The following SNX24 variants were observed in gnomAD, a reference collection of about 807,000 sequenced individuals.
The protein encoded by SNX24 is sorting nexin 24, also known as sorting nexin-24.
SNX24 carries 22 observed loss-of-function variants against 28.7 expected under a neutral mutation model. That is an observed-to-expected ratio of 0.77 (90% CI 0.55 to 1.10). SNX24 has a LOEUF of 1.10. Ranked by LOEUF, SNX24 falls within the 50% of genes least tolerant of loss-of-function variation. The pLI, the probability that SNX24 is intolerant of heterozygous loss-of-function variation, is 0.00. For synonymous variants in SNX24, 69 were observed against 71.5 expected (o/e 0.96, Z 0.18); for missense variants, 221 against 201.1 (o/e 1.10, Z -0.60).
intron 1 of SNX24, among the ~76,000 whole-genome samples, chr5:122,899,961 A>T (rs1049138775): frequency 3.9e-5 from 6 of 152,144 alleles, no homozygotes; most frequent in Non-Finnish European, 7.4e-5. Context: ...TTCCAGCTTT[A>T]CTGAATAAAT....
chr5:122,952,442 A>C (rs371923425), intron 3 of SNX24, among the ~76,000 whole-genome samples: 1 of 152,164 alleles, frequency 6.6e-6, no homozygotes, highest in African/African-American at 2.4e-5. Flanking sequence ...CCCCCTTCGC[A>C]CTCACCCCAG....
intron 2 of SNX24, among the ~76,000 whole-genome samples, chr5:122,939,235 CTGT>C (rs1253468326): frequency 3.9e-5 from 6 of 152,168 alleles, no homozygotes; most frequent in African/African-American, 1.4e-4. Context: ...GTAGTTAAAT[CTGT>C]TGTTACTTAA....
intron 1 of SNX24, among the ~76,000 whole-genome samples, chr5:122,869,096 G>T (rs1755862076): frequency 6.6e-6 from 1 of 152,170 alleles, no homozygotes; most frequent in African/African-American, 2.4e-5. Flanking sequence ...ATATAGTGCA[G>T]GATAAAAGTT....
At chr5:122,864,114 C>T (rs1755610408) in intron 1 of SNX24, among the ~76,000 whole-genome samples, 1 of 152,016 alleles carries the variant, frequency 6.6e-6, no homozygotes, top group Admixed American at 6.6e-5. Flanking sequence ...GAATTACTCC[C>T]ATTTTAGTGT....
At chr5:122,865,043 C>G (rs1302519927) in intron 1 of SNX24, among the ~76,000 whole-genome samples, 2 of 152,240 alleles carry the variant, frequency 1.3e-5, no homozygotes, top group Non-Finnish European at 2.9e-5. Flanking sequence ...CTTTCACTGT[C>G]TCAGCCATAC....
intron 1 of SNX24, among the ~76,000 whole-genome samples, chr5:122,907,219 C>T (rs978812626): frequency 2.0e-5 from 3 of 152,054 alleles, no homozygotes; most frequent in African/African-American, 7.2e-5. Context: ...CATTTTTATA[C>T]TCACCTATTT....
chr5:122,982,519 G>C (rs1761436256), intron 3 of SNX24, among the ~76,000 whole-genome samples: 1 of 152,212 alleles, frequency 6.6e-6, no homozygotes, highest in Admixed American at 6.5e-5. Flanking sequence ...TATAGGGCAT[G>C]CTGTCAACAA....
chr5:122,871,182 C>A (rs967182753), intron 1 of SNX24, among the ~76,000 whole-genome samples: 2 of 152,148 alleles, frequency 1.3e-5, no homozygotes, highest in Non-Finnish European at 2.9e-5. Context: ...TTCAGTAGTT[C>A]TCAGGGAACA....
chr5:123,012,429 C>A (rs538110269), downstream of SNX24, among the ~76,000 whole-genome samples: 9 of 152,192 alleles, frequency 5.9e-5, no homozygotes, highest in Admixed American at 3.9e-4. Flanking sequence ...CTGTATGATT[C>A]CATTTCTATG....
At chr5:122,869,880 A>C (rs1755894027) in intron 1 of SNX24, among the ~76,000 whole-genome samples, 1 of 138,134 alleles carries the variant, frequency 7.2e-6, no homozygotes, top group Admixed American at 7.8e-5. Context: ...AGGCAAATGC[A>C]TTTCTTAGTG....
At chr5:122,898,579 G>C (rs1379048927) in intron 1 of SNX24, among the ~76,000 whole-genome samples, 15 of 152,084 alleles carry the variant, frequency 9.9e-5, no homozygotes, top group Admixed American at 9.8e-4. Context: ...TGAGTTCTTT[G>C]GTCTGGGAAA....
intron 3 of SNX24, among the ~76,000 whole-genome samples, chr5:122,946,442 G>GT (rs1424017978): frequency 6.6e-6 from 1 of 152,020 alleles, no homozygotes; most frequent in Non-Finnish European, 1.5e-5. Flanking sequence ...AAATTATTTT[G>GT]TTTTTTGCTT....
chr5:122,863,843 C>G (rs77547910), intron 1 of SNX24, among the ~76,000 whole-genome samples: 4,323 of 152,262 alleles, frequency 0.028, 179 homozygotes, highest in African/African-American at 0.085. Flanking sequence ...GCATGAGGCA[C>G]CGTACCTAGC....
At chr5:122,999,863 A>G (rs1276845242) in intron 3 of SNX24, 49 bp from the exon 4 acceptor site, 2 of 1,057,998 alleles carry the variant, frequency 1.9e-6, no homozygotes, top group South Asian at 2.5e-5. Flanking sequence ...TTGATTGATC[A>G]CCTAGCAAAC....
At chr5:123,013,518 G>A (rs1280468663), downstream of SNX24, among the ~76,000 whole-genome samples, 3 of 152,210 alleles carry the variant, frequency 2.0e-5, no homozygotes, top group Non-Finnish European at 4.4e-5. Flanking sequence ...TATGTTTTCT[G>A]TCTGTGCAGA....
At chr5:122,992,761 A>G (rs1311206862) in intron 3 of SNX24, among the ~76,000 whole-genome samples, 2 of 152,334 alleles carry the variant, frequency 1.3e-5, no homozygotes, top group East Asian at 3.9e-4. Context: ...GGACAGGACT[A>G]TATTTGTTGG....
chr5:122,885,983 G>A (rs1756690803), intron 1 of SNX24, among the ~76,000 whole-genome samples: 1 of 85,452 alleles, frequency 1.2e-5, no homozygotes. Context: ...CCGCTGATCC[G>A]ACCTGCTGTG....
intron 5 of SNX24, chr5:123,025,729 A>G: frequency 6.6e-7 from 1 of 1,522,858 alleles, no homozygotes. Flanking sequence ...AAATCACTGA[A>G]AGTACTCTCA....
rs563752813 is a variant in SNX24 at position 122,898,159 on chromosome 5, G to A, written c.61-38575G>A. The stretch of plus-strand genomic sequence containing the variant: ...CCATTCAGAAGAATGTTCCTTTTGT[G>A]AAGAATGACTTAAGGAAGATTCATG... On this transcript the variant is annotated intron_variant, in intron 1 of 6. Coordinates refer to ENST00000261369, the MANE Select transcript of SNX24 (RefSeq NM_014035.4). Among the ~76,000 whole-genome samples, 286 of 152,302 alleles carry A rather than the reference G, an allele frequency of 1.9e-3. 1 individual carries two copies. The highest frequency in any genetic ancestry group is 6.5e-3 in the African/African-American group (272 of 41,570).
Sources: gnomAD v4.1 joint callset for allele counts (sites outside exome capture counted in the v4.1 genomes callset) on GRCh38, gnomAD v4.1.1 for gene constraint, MANE v1.5 for transcripts, NCBI Gene and HGNC (gene_info 2026-07-23, HGNC 2026-07-21) for gene names.